The following STARD9 variants were observed in gnomAD, a reference collection of about 807,000 sequenced individuals.
STARD9 encodes stAR-related lipid transfer protein 9.
A neutral mutation model predicts 399.8 loss-of-function variants in STARD9; 346 were observed. The ratio of observed to expected loss-of-function variants is 0.87; its 90% confidence interval spans 0.79 to 0.95. The LOEUF is 0.95. Among genes scored for constraint, STARD9 ranks in the 40% least tolerant of loss-of-function variants. STARD9 has a pLI of 0.00. For synonymous variants in STARD9, 2,203 were observed against 2,143.5 expected, an observed-to-expected ratio of 1.03 and a Z score of -0.77; for missense variants, 5,832 against 5,667.5, an observed-to-expected ratio of 1.03 and a Z score of -0.93.
chr15:42,663,045 G>C (rs1463120804), intron 11 of STARD9, 154 bp downstream of exon 11: 1 of 714,468 alleles, frequency 1.4e-6, no homozygotes, highest in East Asian at 2.7e-5. Context: ...TGGTTTTAGA[G>C]TAGAATGCTG....
chr15:42,577,158 T>G (rs1179539781), intron 1 of STARD9, among the ~76,000 whole-genome samples: 1 of 151,852 alleles, frequency 6.6e-6, no homozygotes, highest in Non-Finnish European at 1.5e-5. Context: ...TCTTTCTTTT[T>G]TCTTTTTTTT....
intron 3 of STARD9, among the ~76,000 whole-genome samples, chr15:42,604,626 A>ATTTTTT (rs11349330): frequency 7.3e-5 from 4 of 54,744 alleles, no homozygotes; most frequent in Non-Finnish European, 1.1e-4. Context: ...GATCAAATTG[A>ATTTTTT]TTTTTTTTTT....
At chr15:42,699,392 C>CTTTTTCTTTTTTTTTTTT (rs2060912049) in intron 26 of STARD9, among the ~76,000 whole-genome samples, 1 of 113,280 alleles carries the variant, frequency 8.8e-6, no homozygotes, top group African/African-American at 4.1e-5. Context: ...TTTTTCTTTT[C>CTTTTTCTTTTTTTTTTTT]TTTTTTTTTT....
At position 42,690,499 on chromosome 15, in the gene STARD9, T is replaced by C; in HGVS notation, c.8921T>C (p.Leu2974Ser). The C allele has an allele frequency of 6.5e-7, 1 of 1,537,190 alleles. No individual in the cohort carries two copies. Among genetic ancestry groups the C allele is most frequent in the Non-Finnish European group, 8.7e-7 (1 of 1,146,912 alleles). Residue 2974 changes from leucine to serine, a missense_variant, in exon 23 of 33, where the codon TTA (leucine) becomes TCA (serine). Physicochemically the swap from Leu to Ser is moderately radical, Grantham distance 145. Transcript: ENST00000290607. Reference sequence around the variant, plus strand: ...GCTTATTCCTCCCATTCCTCTACTTTACTGTGTTTTAGAGATGGTGACCTA... The same window carrying C: ...GCTTATTCCTCCCATTCCTCTACTTCACTGTGTTTTAGAGATGGTGACCTA... ...THAYSSHSST[L>S]LCFRDGDLGK...
rs1406952927 is a variant in STARD9, at chr15:42,716,589, C to CT, written c.13285-87dup. The stretch of plus-strand genomic sequence containing the variant: ...AGACCTTTGCAGTTGAGTCATCCCA[C>CT]TGGAAGCTGTGAGATGCAGTTCAGA... On this transcript the variant is annotated intron_variant, in intron 26 of 32. Coordinates refer to ENST00000290607, the MANE Select transcript of STARD9 (RefSeq NM_020759.3). 1.3e-5 allele frequency: 11 copies of CT among 836,962 alleles called. No homozygotes were observed. In the African/African-American group the frequency reaches 1.8e-4, roughly 14 times the overall value. 51.8% of individuals were successfully genotyped at this position (836,962 alleles called of 1,614,324 possible). A position where few individuals can be genotyped will look rare whatever the true frequency, so the allele number is the denominator to read the frequency against.
chr15:42,682,458 A>T lies in STARD9; in HGVS notation c.2420A>T (p.Tyr807Phe), dbSNP rs1345042626. The change falls in exon 22 of 33, where the codon TAC becomes TTC. Residue 807 changes from tyrosine (Y) to phenylalanine (F), a missense_variant. Around this residue, in one of 2 missense-constraint regions of STARD9, gnomAD observed 5,828 missense variants for 5,651.1 expected, o/e 1.03. Transcript: ENST00000290607. ...LQDDSTQEPP[Y>F]QVLSPDATVP... ...GATGACAGCACCCAGGAGCCCCCAT[A>T]CCAGGTCCTCAGCCCTGATGCCACA... is the stretch of plus-strand genomic sequence containing the variant. The T allele has an allele frequency of 6.5e-7, 1 of 1,537,148 alleles. No individual in the cohort carries two copies. Among genetic ancestry groups the T allele is most frequent in the South Asian group, 1.2e-5 (1 of 84,054 alleles).
chr15:42,656,643 C>T (rs1463110149), intron 9 of STARD9, among the ~76,000 whole-genome samples: 3 of 152,058 alleles, frequency 2.0e-5, no homozygotes, highest in Non-Finnish European at 2.9e-5. Flanking sequence ...TACATTCAGC[C>T]GTGAAAAGGC....
intron 3 of STARD9, among the ~76,000 whole-genome samples, chr15:42,632,302 T>C (rs556723593): frequency 6.6e-6 from 1 of 152,348 alleles, no homozygotes; most frequent in East Asian, 1.9e-4. Flanking sequence ...TTTCTCTCCC[T>C]TTGTTTTCAG....
chr15:42,649,211 TGA>T (rs1193901208), intron 7 of STARD9, among the ~76,000 whole-genome samples: 6 of 152,026 alleles, frequency 3.9e-5, no homozygotes, highest in African/African-American at 1.5e-4. Flanking sequence ...TGTATTTTCA[TGA>T]GAGACGGGGT....
At chr15:42,622,338 G>GCT (rs1416271850) in intron 3 of STARD9, among the ~76,000 whole-genome samples, 2 of 151,670 alleles carry the variant, frequency 1.3e-5, no homozygotes, top group Non-Finnish European at 1.5e-5. Flanking sequence ...CCTGTAGCTC[G>GCT]CTCTCTCTCT....
At chr15:42,661,076 T>C in intron 9 of STARD9, 82 bp from the exon 10 acceptor site, 1 of 1,061,052 alleles carries the variant, frequency 9.4e-7, no homozygotes, top group East Asian at 2.6e-5. Flanking sequence ...AAATCCAAAA[T>C]ATCACCTTGG....
At chr15:42,718,543 G>C in intron 31 of STARD9, 29 bp downstream of exon 31, 2 of 1,531,278 alleles carry the variant, frequency 1.3e-6, no homozygotes, top group Non-Finnish European at 1.8e-6. Flanking sequence ...AAGATGTTGT[G>C]GGAAGAACTT....
chr15:42,685,630 C>G lies in STARD9; in HGVS notation c.4052C>G (p.Pro1351Arg), dbSNP rs2060535509. 1.3e-6 allele frequency: 2 copies of G among 1,537,276 alleles called. No homozygotes were observed. The highest frequency in any genetic ancestry group is 1.2e-5 in the South Asian group (1 of 84,062). The change falls in exon 23 of 33, where the codon CCA becomes CGA. Residue 1351 changes from proline to arginine, a missense_variant. Physicochemically the swap from Pro to Arg is moderately radical, Grantham distance 103. Around this residue, in one of 2 missense-constraint regions of STARD9, gnomAD observed 5,828 missense variants for 5,651.1 expected, o/e 1.03. Coordinates refer to ENST00000290607, the MANE Select transcript of STARD9 (RefSeq NM_020759.3). Reference sequence around the variant, plus strand: ...TCTAAGATCAACCCCAGCAGCCCCCCAGGAATAGTGGGTTCTTTATGTCCA... The same window carrying G: ...TCTAAGATCAACCCCAGCAGCCCCCGAGGAATAGTGGGTTCTTTATGTCCA... ...CDSKINPSSP[P>R]GIVGSLCPSP...
intron 3 of STARD9, among the ~76,000 whole-genome samples, chr15:42,626,973 C>G (rs185482850): frequency 2.3e-4 from 35 of 152,124 alleles, no homozygotes; most frequent in African/African-American, 8.4e-4. Context: ...ACTTCAGCCT[C>G]CCAAGTAGCT....
intron 16 of STARD9, chr15:42,671,963 T>C (rs948280046): frequency 2.0e-5 from 3 of 152,212 alleles, no homozygotes; most frequent in Non-Finnish European, 2.9e-5. Context: ...TTTCATTGCT[T>C]AGTCAGTGCA....
chr15:42,594,838 G>A (rs2058472369), intron 3 of STARD9, among the ~76,000 whole-genome samples: 1 of 152,144 alleles, frequency 6.6e-6, no homozygotes, highest in Admixed American at 6.5e-5. Context: ...AGTCAACTGG[G>A]ATGAGGAAAT....
intron 7 of STARD9, among the ~76,000 whole-genome samples, chr15:42,645,404 T>C (rs2059626305): frequency 6.6e-6 from 1 of 152,222 alleles, no homozygotes; most frequent in South Asian, 2.1e-4. Flanking sequence ...CCAGGCACAC[T>C]GTCAATGAGC....
chr15:42,628,644 A>G (rs2059271706), intron 3 of STARD9, among the ~76,000 whole-genome samples: 1 of 152,176 alleles, frequency 6.6e-6, no homozygotes, highest in African/African-American at 2.4e-5. Flanking sequence ...ATTCTTCTGC[A>G]TGTGGATATC....
rs750808939 is a variant in STARD9 at position 42,686,651 on chromosome 15, C to T, written c.5073C>T (p.His1691=). The change falls in exon 23 of 33, where the codon CAC becomes CAT. Residue 1691 remains histidine (H), a synonymous_variant. Transcript: ENST00000290607. ...CAGGGCAATTAAGTCCCGACAGCCA[C>T]TACCCACTAGAGGAAGAGAAGACAG... ...VQPGQLSPDS[H]YPLEEEKTDC... 27 of 1,537,554 alleles carry T rather than the reference C, an allele frequency of 1.8e-5. No homozygotes were observed. In the South Asian group the frequency reaches 3.1e-4, roughly 18 times the overall value.
Sources: gnomAD v4.1 joint callset for allele counts (sites outside exome capture counted in the v4.1 genomes callset) on GRCh38, gnomAD v4.1.1 for gene constraint, gnomAD v4.1.1 regional missense constraint, MANE v1.5 for transcripts, NCBI Gene and HGNC (gene_info 2026-07-23, HGNC 2026-07-21) for gene names.